The following C2CD2 variants were observed in gnomAD, a reference collection of about 807,000 sequenced individuals.
C2CD2 encodes the protein C2 domain-containing protein 2.
A neutral mutation model predicts 74.3 loss-of-function variants in C2CD2; 43 were observed. That is an observed-to-expected ratio of 0.58 (90% CI 0.45 to 0.75). C2CD2 has a LOEUF of 0.75. C2CD2 is among the 30% of genes least tolerant of loss of function. C2CD2 has a pLI of 0.00. For synonymous variants in C2CD2, 422 were observed against 390.7 expected (o/e 1.08, Z -0.94); for missense variants, 801 against 916.3 (o/e 0.87, Z 1.63).
Position 41,912,193 on chromosome 21 carries a change from A to G in C2CD2, c.953+139T>C, listed in dbSNP as rs568272566. On this transcript the variant is annotated intron_variant, in intron 7 of 13. Transcript: ENST00000380486. ...TGTTTGACCTAAAGCTACCTTTAAG[A>G]TGCTTAAGACATCATTTGTTGTTAA... The G allele has an allele frequency of 2.3e-5, 13 of 573,732 alleles. No individual in the cohort carries two copies. The South Asian group carries it at 2.7e-4, about 12-fold the overall frequency. The allele number at this position is 573,732 out of a possible 1,614,324, so 35.5% of individuals were successfully genotyped here.
At chr21:41,921,945 T>G in intron 3 of C2CD2, 27 bp downstream of exon 3, 2 of 1,442,966 alleles carry the variant, frequency 1.4e-6, no homozygotes, top group Non-Finnish European at 2.0e-6. Context: ...ACGGGTCTCA[T>G]AACTTGCAAA....
intron 8 of C2CD2, 91 bp from the exon 9 acceptor site, chr21:41,907,875 A>C (rs1340089297): frequency 7.2e-7 from 1 of 1,381,060 alleles, no homozygotes; most frequent in Non-Finnish European, 1.0e-6. Context: ...CAGCCGGAAC[A>C]CGCTCCTCCC....
At chr21:41,952,618 AATC>A (rs1327780604) in intron 1 of C2CD2, among the ~76,000 whole-genome samples, 9 of 152,276 alleles carry the variant, frequency 5.9e-5, no homozygotes, top group Admixed American at 5.9e-4. Context: ...GTCAACGAGT[AATC>A]AGCGACTACA....
intron 11 of C2CD2, among the ~76,000 whole-genome samples, 160 bp downstream of exon 11, chr21:41,905,564 C>T (rs537118129): frequency 1.3e-5 from 2 of 152,272 alleles, no homozygotes; most frequent in African/African-American, 2.4e-5. Flanking sequence ...GTGATCCACC[C>T]GCCTCAGCCT....
At position 41,953,751 on chromosome 21, in the gene C2CD2, T is replaced by C. The variant is rs1483938345; in HGVS notation, c.-103A>G. 10 of 1,102,680 alleles carry C rather than the reference T, an allele frequency of 9.1e-6. No individual in the cohort carries two copies. The Admixed American group carries it at 1.8e-4, about 19-fold the overall frequency. The allele number at this position is 1,102,680 out of a possible 1,614,324, so 68.3% of individuals were successfully genotyped here. A position where few individuals can be genotyped will look rare whatever the true frequency, so the allele number is the denominator to read the frequency against. On this transcript the variant is annotated 5_prime_UTR_variant, in exon 1 of 14. Transcript: ENST00000380486. ...CTGCGGCCACAGCGCGCTGGGGGCG[T>C]GGAGGGGGCGCGGCGGGGTCGGAGC...
chr21:41,942,348 C>G, intron 1 of C2CD2, 103 bp from the exon 2 acceptor site: 1 of 874,318 alleles, frequency 1.1e-6, no homozygotes, highest in African/African-American at 1.7e-5. Flanking sequence ...AATGTACTAA[C>G]ACATCTTTCT....
chr21:41,944,645 C>T (rs528076677), intron 1 of C2CD2, among the ~76,000 whole-genome samples: 6 of 152,014 alleles, frequency 3.9e-5, no homozygotes, highest in Non-Finnish European at 7.4e-5. Flanking sequence ...TCTGCCTAGT[C>T]CTTGAGTTTC....
At chr21:41,930,138 A>G (rs2065250277) in intron 2 of C2CD2, among the ~76,000 whole-genome samples, 1 of 149,436 alleles carries the variant, frequency 6.7e-6, no homozygotes, top group South Asian at 2.2e-4. Context: ...CCGGTGGGAG[A>G]GAGTTTCATC....
At chr21:41,947,129 T>TCC (rs1569084374) in intron 1 of C2CD2, among the ~76,000 whole-genome samples, 4 of 106,702 alleles carry the variant, frequency 3.7e-5, no homozygotes, top group South Asian at 3.5e-4. Context: ...TCTCTCTCTC[T>TCC]CTCTCTCTCT....
rs545966221 is a variant in C2CD2 at position 41,935,849 on chromosome 21, A to T, written c.378+6298T>A. On this transcript the variant is annotated intron_variant, in intron 2 of 13. Coordinates refer to ENST00000380486, the MANE Select transcript of C2CD2 (RefSeq NM_015500.2). ...ACAGAGCAAGACTCTGTCTCAAAAA[A>T]AAAGTCCTGACACCTTGAATGGTGC... Among the ~76,000 whole-genome samples the T allele has an allele frequency of 2.3e-4, 35 of 152,296 alleles. No individual in the cohort carries two copies. The South Asian group carries it at 6.4e-3, about 28-fold the overall frequency.
At chr21:41,914,336 G>A (rs982373713) in intron 6 of C2CD2, among the ~76,000 whole-genome samples, 1 of 151,114 alleles carries the variant, frequency 6.6e-6, no homozygotes, top group African/African-American at 2.4e-5. Context: ...AAAAAGGCAG[G>A]ACAATTCCAG....
rs530985322 is a variant in C2CD2, at chr21:41,924,297, A to G, written c.379-2212T>C. Among the ~76,000 whole-genome samples, 10 of 152,232 alleles carry G rather than the reference A, an allele frequency of 6.6e-5. No homozygotes were observed. In the East Asian group the frequency reaches 1.7e-3, roughly 27 times the overall value. ...CCATCCCACTCTGGAACAAAAACGG[A>G]ACCTGGGCACTAAGGCCCGGGCAGG... On this transcript the variant is annotated intron_variant, in intron 2 of 13. Transcript: ENST00000380486. The surrounding 1 kb of genome is among the most constrained non-coding windows in gnomAD (Gnocchi z 4.4).
At chr21:41,942,537 T>C (rs1277606667) in intron 1 of C2CD2, among the ~76,000 whole-genome samples, 2 of 152,124 alleles carry the variant, frequency 1.3e-5, no homozygotes, top group Non-Finnish European at 2.9e-5. Flanking sequence ...GAAGGGTGTT[T>C]TGAATCTTCC....
intron 3 of C2CD2, 151 bp from the exon 4 acceptor site, chr21:41,919,111 C>A (rs555200714): frequency 1.6e-6 from 1 of 642,756 alleles, no homozygotes; most frequent in South Asian, 1.8e-5. Context: ...TGTGAGTGTG[C>A]GTGTATGCGC....
At chr21:41,946,911 A>G (rs906618635) in intron 1 of C2CD2, among the ~76,000 whole-genome samples, 1 of 152,136 alleles carries the variant, frequency 6.6e-6, no homozygotes, top group Non-Finnish European at 1.5e-5. Context: ...GTCATAAAAA[A>G]CAAAGAAAGA....
intron 2 of C2CD2, among the ~76,000 whole-genome samples, chr21:41,937,382 G>C (rs2065318078): frequency 6.6e-6 from 1 of 152,214 alleles, no homozygotes; most frequent in African/African-American, 2.4e-5. Flanking sequence ...CTCCCAAAGT[G>C]CTGGGATTAC....
In C2CD2 at chr21:41,885,928, A is replaced by G. The variant is rs1316678461; in HGVS notation, c.*3196T>C. 4 of 152,536 alleles carry G rather than the reference A, an allele frequency of 2.6e-5. No individual in the cohort carries two copies. The highest frequency in any genetic ancestry group is 6.5e-5 in the Admixed American group (1 of 15,284). 9.4% of individuals were successfully genotyped at this position (152,536 alleles called of 1,614,324 possible). ...CAGACTTGAAACTTGACGAAAATAA[A>G]GTGCTCTGTCAAAACTCTCACAGCA... On this transcript the variant is annotated 3_prime_UTR_variant, in exon 14 of 14. Coordinates refer to ENST00000380486, the MANE Select transcript of C2CD2 (RefSeq NM_015500.2).
At chr21:41,914,338 C>T (rs1322519176) in intron 6 of C2CD2, among the ~76,000 whole-genome samples, 2 of 150,514 alleles carry the variant, frequency 1.3e-5, no homozygotes, top group Admixed American at 6.6e-5. Flanking sequence ...AAAGGCAGGA[C>T]AATTCCAGAC....
chr21:41,938,326 A>G (rs1173709249), intron 2 of C2CD2, among the ~76,000 whole-genome samples: 2 of 152,224 alleles, frequency 1.3e-5, no homozygotes, highest in Non-Finnish European at 2.9e-5. Flanking sequence ...CAAATTAAAC[A>G]AAGCTTGTAT....
Sources: gnomAD v4.1 joint callset for allele counts (sites outside exome capture counted in the v4.1 genomes callset) on GRCh38, gnomAD v4.1.1 for gene constraint, Gnocchi (gnomAD v3.1) non-coding constraint, MANE v1.5 for transcripts, NCBI Gene and HGNC (gene_info 2026-07-23, HGNC 2026-07-21) for gene names.